The following ZBTB7C variants were observed in gnomAD, a reference collection of about 807,000 sequenced individuals.
ZBTB7C encodes zinc finger and BTB domain-containing protein 7C.
A neutral mutation model predicts 25.7 loss-of-function variants in ZBTB7C; 8 were observed. The ratio of observed to expected loss-of-function variants is 0.31; its 90% CI spans 0.18 to 0.56. The LOEUF is 0.56. Ranked by LOEUF, ZBTB7C falls within the 20% of genes least tolerant of loss-of-function variation. ZBTB7C has a pLI of 0.91. For missense variants in ZBTB7C, 824 were observed against 855.2 expected (o/e 0.96, Z 0.46); for synonymous variants, 394 against 369.0 (o/e 1.07, Z -0.78).
At chr18:48,122,324 T>C (rs2039658181) in intron 3 of ZBTB7C, among the ~76,000 whole-genome samples, 1 of 152,214 alleles carries the variant, frequency 6.6e-6, no homozygotes, top group African/African-American at 2.4e-5. Flanking sequence ...ATATTACCAT[T>C]TTCCTACCTT....
intron 3 of ZBTB7C, among the ~76,000 whole-genome samples, chr18:48,181,191 T>C (rs2041911714): frequency 1.3e-5 from 2 of 152,048 alleles, no homozygotes; most frequent in Admixed American, 1.3e-4. Context: ...GGCCAAACCA[T>C]GGGGAAAGCA....
At chr18:48,060,528 A>G (rs1227800351) in intron 3 of ZBTB7C, among the ~76,000 whole-genome samples, 1 of 152,058 alleles carries the variant, frequency 6.6e-6, no homozygotes, top group African/African-American at 2.4e-5. Flanking sequence ...CAATACCTGG[A>G]AGATGTCACC....
intron 1 of ZBTB7C, among the ~76,000 whole-genome samples, chr18:48,390,268 T>C (rs2047868790): frequency 1.4e-5 from 2 of 147,314 alleles, no homozygotes. Flanking sequence ...CATGGATACA[T>C]TTTAATCAAA....
intron 2 of ZBTB7C, among the ~76,000 whole-genome samples, chr18:48,314,448 T>A (rs1215069381): frequency 6.6e-6 from 1 of 152,180 alleles, no homozygotes; most frequent in African/African-American, 2.4e-5. Flanking sequence ...CCTAGCTGCA[T>A]TTTTAGTTGC....
intron 2 of ZBTB7C, among the ~76,000 whole-genome samples, chr18:48,302,188 C>T (rs916176946): frequency 2.0e-5 from 3 of 152,196 alleles, no homozygotes; most frequent in Non-Finnish European, 4.4e-5. Context: ...AGTCCCTTCT[C>T]CTAGGTTCCT....
intron 2 of ZBTB7C, among the ~76,000 whole-genome samples, chr18:48,303,843 C>T (rs1030559632): frequency 6.6e-6 from 1 of 152,338 alleles, no homozygotes; most frequent in East Asian, 1.9e-4. Context: ...AAACTTATCT[C>T]ACTTCTTGCA....
intron 1 of ZBTB7C, among the ~76,000 whole-genome samples, chr18:48,359,076 A>C (rs1337686178): frequency 3.3e-5 from 5 of 152,122 alleles, no homozygotes; most frequent in African/African-American, 4.8e-5. Flanking sequence ...AGTGAAACCC[A>C]TACTTCACTC....
intron 3 of ZBTB7C, among the ~76,000 whole-genome samples, chr18:48,112,260 C>CTTT (rs1048802422): frequency 9.2e-5 from 11 of 120,044 alleles, no homozygotes; most frequent in South Asian, 5.5e-4. Flanking sequence ...TAATTTTTTT[C>CTTT]TTTTTTTTTT....
chr18:48,246,295 T>C (rs1274968932), intron 2 of ZBTB7C, among the ~76,000 whole-genome samples: 1 of 151,868 alleles, frequency 6.6e-6, no homozygotes, highest in African/African-American at 2.4e-5. Flanking sequence ...CCGGGCGTGG[T>C]GGCGGGTGCC....
At chr18:48,405,399 A>T (rs1363276438) in intron 1 of ZBTB7C, among the ~76,000 whole-genome samples, 2 of 152,136 alleles carry the variant, frequency 1.3e-5, no homozygotes, top group Non-Finnish European at 2.9e-5. Flanking sequence ...CCACTTTCAA[A>T]ATCTCCTGCA....
intron 2 of ZBTB7C, among the ~76,000 whole-genome samples, chr18:48,296,849 G>A (rs1022956628): frequency 1.2e-4 from 18 of 152,136 alleles, no homozygotes; most frequent in Non-Finnish European, 1.5e-4. Context: ...ACAGGAGCGC[G>A]AACTCTATTG....
intron 2 of ZBTB7C, among the ~76,000 whole-genome samples, chr18:48,258,662 A>AT (rs964648524): frequency 5.9e-5 from 9 of 151,430 alleles, no homozygotes; most frequent in East Asian, 3.9e-4. Context: ...ATCCCAGCAT[A>AT]TTTTTTTTTC....
At chr18:48,325,255 G>A (rs757713354) in intron 2 of ZBTB7C, among the ~76,000 whole-genome samples, 15 of 152,188 alleles carry the variant, frequency 9.9e-5, no homozygotes, top group Non-Finnish European at 2.2e-4. Context: ...TGCCTTGGAG[G>A]GGAAGAGCCC....
intron 2 of ZBTB7C, among the ~76,000 whole-genome samples, chr18:48,257,760 A>C (rs2044060002): frequency 6.6e-6 from 1 of 151,942 alleles, no homozygotes; most frequent in East Asian, 1.9e-4. Flanking sequence ...TTTGAAAATC[A>C]GTGTAAGGCG....
intron 2 of ZBTB7C, among the ~76,000 whole-genome samples, chr18:48,319,367 T>C (rs530101946): frequency 6.6e-6 from 1 of 152,296 alleles, no homozygotes; most frequent in South Asian, 2.1e-4. Context: ...CTGTCTCAGT[T>C]TTCCTATCCG....
chr18:48,105,502 G>A (rs1217726932), intron 3 of ZBTB7C, among the ~76,000 whole-genome samples: 1 of 151,082 alleles, frequency 6.6e-6, no homozygotes, highest in Non-Finnish European at 1.5e-5. Flanking sequence ...TACCAGTAGT[G>A]CCTCCCAGTG....
chr18:48,179,842 A>T, intron 3 of ZBTB7C, among the ~76,000 whole-genome samples: 1 of 129,272 alleles, frequency 7.7e-6, no homozygotes, highest in African/African-American at 3.1e-5. Context: ...CAAGGAAGAT[A>T]TTTCTCCTTC....
chr18:48,229,793 A>G (rs938229712), intron 2 of ZBTB7C, among the ~76,000 whole-genome samples: 12 of 152,092 alleles, frequency 7.9e-5, no homozygotes, highest in Admixed American at 6.5e-5. Context: ...CTGACTGTCC[A>G]TCTCCCTCAT....
chr18:48,226,432 T>C (rs1198035972), intron 2 of ZBTB7C, among the ~76,000 whole-genome samples: 1 of 152,216 alleles, frequency 6.6e-6, no homozygotes, highest in Non-Finnish European at 1.5e-5. Flanking sequence ...CAAGGTACTA[T>C]GTTGAGGAGC....
Sources: gnomAD v4.1 joint callset for allele counts (sites outside exome capture counted in the v4.1 genomes callset) on GRCh38, gnomAD v4.1.1 for gene constraint, MANE v1.5 for transcripts, NCBI Gene and HGNC (gene_info 2026-07-23, HGNC 2026-07-21) for gene names.